CERS6: variants seen among roughly 807,000 people sequenced by gnomAD.
CERS6 encodes LAG1 homolog, ceramide synthase 6.
A neutral mutation model predicts 56.8 loss-of-function variants in CERS6; 26 were observed. The ratio of observed to expected loss-of-function variants is 0.46; its 90% CI spans 0.34 to 0.63. The LOEUF (loss-of-function observed/expected upper bound fraction) is 0.63. Among genes scored for constraint, CERS6 ranks in the 30% least tolerant of loss-of-function variants. CERS6 has a pLI of 0.01. For missense variants in CERS6, 415 were observed against 467.5 expected (o/e 0.89, Z 1.04); for synonymous variants, 164 against 173.3 (o/e 0.95, Z 0.42).
At chr2:168,478,072 G>T (rs1280086232) in intron 1 of CERS6, among the ~76,000 whole-genome samples, 1 of 145,360 alleles carries the variant, frequency 6.9e-6, no homozygotes, top group African/African-American at 2.6e-5. Context: ...CAAGTTTTAT[G>T]TAGTCTGATC....
intron 3 of CERS6, among the ~76,000 whole-genome samples, chr2:168,590,517 A>C (rs902526554): frequency 6.6e-6 from 1 of 152,214 alleles, no homozygotes; most frequent in African/African-American, 2.4e-5. Context: ...GTTTCAAAGT[A>C]AAATTGCTTT....
At chr2:168,556,120 A>G (rs1042835558) in intron 2 of CERS6, among the ~76,000 whole-genome samples, 5 of 152,132 alleles carry the variant, frequency 3.3e-5, no homozygotes, top group African/African-American at 9.6e-5. Flanking sequence ...CTTAAACTGT[A>G]TCAAAGCATA....
At chr2:168,560,141 G>A (rs1255665526) in intron 2 of CERS6, among the ~76,000 whole-genome samples, 3 of 152,124 alleles carry the variant, frequency 2.0e-5, no homozygotes, top group Non-Finnish European at 4.4e-5. Context: ...GTCCCATATG[G>A]TGGCAGACAA....
chr2:168,481,957 C>T (rs984567996), intron 1 of CERS6, among the ~76,000 whole-genome samples: 3 of 152,204 alleles, frequency 2.0e-5, no homozygotes, highest in Non-Finnish European at 4.4e-5. Context: ...TGAATAACTT[C>T]AGAGGAAATC....
chr2:168,765,419 G>A (rs549245029), intron 8 of CERS6, among the ~76,000 whole-genome samples, 173 bp from the exon 9 acceptor site: 1 of 152,286 alleles, frequency 6.6e-6, no homozygotes, highest in South Asian at 2.1e-4. Flanking sequence ...CACCATCAGG[G>A]TAATTCTTCA....
chr2:168,485,264 C>T (rs928936019), intron 1 of CERS6, among the ~76,000 whole-genome samples: 1 of 151,814 alleles, frequency 6.6e-6, no homozygotes, highest in South Asian at 2.1e-4. Context: ...CCACATTACT[C>T]CCCTACACTC....
In CERS6 at chr2:168,674,977, TATTTATTTA is replaced by T. The variant is rs1233095331; in HGVS notation, c.466-16056_466-16048del. Among the ~76,000 whole-genome samples the T allele has an allele frequency of 1.7e-3, 263 of 151,820 alleles. 3 individuals are homozygous for T. Among genetic ancestry groups the T allele is most frequent in the African/African-American group, 6.1e-3 (254 of 41,424 alleles). ...ACATTACCTTATTTATTTATTTATT[TATTTATTTA>T]TTTATTTAGAGGCGGAGTCTTGCTG... On this transcript the variant is annotated intron_variant, in intron 4 of 9. Coordinates refer to ENST00000305747, the MANE Select transcript of CERS6 (RefSeq NM_203463.3).
chr2:168,696,940 A>G (rs889231895), intron 6 of CERS6, among the ~76,000 whole-genome samples: 2 of 152,220 alleles, frequency 1.3e-5, no homozygotes, highest in Non-Finnish European at 2.9e-5. Flanking sequence ...GGGTAAATGA[A>G]TAAGCAAAAT....
intron 4 of CERS6, among the ~76,000 whole-genome samples, chr2:168,670,978 C>CCG (rs971121013): frequency 1.2e-5 from 1 of 84,298 alleles, no homozygotes; most frequent in African/African-American, 3.1e-5. Flanking sequence ...CCCCCCCCCC[C>CCG]CCAGACGGAA....
chr2:168,644,201 G>C, intron 4 of CERS6: 3 of 934,112 alleles, frequency 3.2e-6, no homozygotes, highest in Non-Finnish European at 3.8e-6. Flanking sequence ...ATTACAGAAG[G>C]GGGAGGGAGG....
At position 168,773,681 on chromosome 2, in the gene CERS6, A is replaced by G. The variant is rs567284559; in HGVS notation, c.*4019A>G. ...GCCCTTGAAGAAAACGCAGCAAAAT[A>G]TTTTAAAATGAAGATATTGCAGTCC... On this transcript the variant is annotated 3_prime_UTR_variant, in exon 10 of 10. Transcript: ENST00000305747. 2 of 152,350 alleles carry G rather than the reference A, an allele frequency of 1.3e-5. No individual in the cohort carries two copies. The highest frequency in any genetic ancestry group is 4.8e-5 in the African/African-American group (2 of 41,578). 9.4% of individuals were successfully genotyped at this position (152,350 alleles called of 1,614,324 possible).
chr2:168,748,903 C>T (rs1240679784), intron 8 of CERS6, among the ~76,000 whole-genome samples: 2 of 152,002 alleles, frequency 1.3e-5, no homozygotes, highest in Non-Finnish European at 2.9e-5. Context: ...GTATAGGCAC[C>T]TGCAGTGCCC....
chr2:168,493,480 T>G (rs1694410074), intron 1 of CERS6, among the ~76,000 whole-genome samples: 1 of 152,192 alleles, frequency 6.6e-6, no homozygotes, highest in African/African-American at 2.4e-5. Context: ...GTTCAGGCTC[T>G]TAACCACTGC....
chr2:168,772,974 T>C lies in CERS6; in HGVS notation c.*3312T>C. ...TTCCATTCAGAGTATTTGGTGGAGT[T>C]TGAATTTGAGCAAACTAAATGCCTT... On this transcript the variant is annotated 3_prime_UTR_variant, in exon 10 of 10. Coordinates refer to ENST00000305747, the MANE Select transcript of CERS6 (RefSeq NM_203463.3). The C allele has an allele frequency of 6.6e-6, 1 of 152,324 alleles. No individual in the cohort carries two copies. The highest frequency in any genetic ancestry group is 1.9e-4 in the East Asian group (1 of 5,196). The allele number at this position is 152,324 out of a possible 1,614,324, so 9.4% of individuals were successfully genotyped here.
chr2:168,758,786 A>G (rs1684484133), intron 8 of CERS6, among the ~76,000 whole-genome samples: 1 of 152,190 alleles, frequency 6.6e-6, no homozygotes, highest in Non-Finnish European at 1.5e-5. Flanking sequence ...TTTTGGAGTA[A>G]GATGCCAGTG....
At chr2:168,549,265 T>C (rs958583040) in intron 2 of CERS6, among the ~76,000 whole-genome samples, 1 of 152,232 alleles carries the variant, frequency 6.6e-6, no homozygotes, top group Non-Finnish European at 1.5e-5. Flanking sequence ...CCTTGCCTTA[T>C]GTTTTTTACA....
intron 6 of CERS6, among the ~76,000 whole-genome samples, chr2:168,706,877 T>G (rs572427322): frequency 6.6e-6 from 1 of 152,338 alleles, no homozygotes; most frequent in Admixed American, 6.5e-5. Context: ...AATATTTTAA[T>G]TTTTGGGGAC....
At chr2:168,719,538 CT>C (rs1687308128) in intron 8 of CERS6, among the ~76,000 whole-genome samples, 1 of 152,168 alleles carries the variant, frequency 6.6e-6, no homozygotes, top group African/African-American at 2.4e-5. Flanking sequence ...ATTATTTCCC[CT>C]GCCTTATATT....
At chr2:168,651,192 GCAGTTTGGCATAGCAA>G (rs1480835370) in intron 4 of CERS6, among the ~76,000 whole-genome samples, 3 of 152,158 alleles carry the variant, frequency 2.0e-5, no homozygotes, top group African/African-American at 7.2e-5. Context: ...GCTACAGTGG[GCAGTTTGGCATAGCAA>G]TCTTAGCTCC....
Sources: gnomAD v4.1 joint callset for allele counts (sites outside exome capture counted in the v4.1 genomes callset) on GRCh38, gnomAD v4.1.1 for gene constraint, MANE v1.5 for transcripts, NCBI Gene and HGNC (gene_info 2026-07-23, HGNC 2026-07-21) for gene names.